PARVB: variants seen among roughly 807,000 people sequenced by gnomAD.
The protein encoded by PARVB is parvin beta.
In PARVB, 46 loss-of-function variants were observed where a neutral mutation model predicts 47.0. The ratio of observed to expected loss-of-function variants is 0.98; its 90% CI spans 0.77 to 1.25. PARVB has a LOEUF of 1.25. Ranked by LOEUF, PARVB falls within the 50% of genes most tolerant of loss-of-function variation. PARVB has a pLI of 0.00. For missense variants in PARVB, 473 were observed against 471.6 expected (o/e 1.00, Z -0.03); for synonymous variants, 196 against 196.3 (o/e 1.00, Z 0.01).
At chr22:44,069,548 G>A (rs2051607603) in intron 1 of PARVB, among the ~76,000 whole-genome samples, 1 of 151,764 alleles carries the variant, frequency 6.6e-6, no homozygotes. Flanking sequence ...TTCTCTCTGA[G>A]ATGGAGTCTT....
intron 1 of PARVB, among the ~76,000 whole-genome samples, chr22:44,066,798 C>CCTT (rs2051538180): frequency 1.5e-5 from 1 of 67,580 alleles, no homozygotes; most frequent in African/African-American, 5.0e-5. Flanking sequence ...TCCTCCTCCT[C>CCTT]CTCCTCCTCC....
intron 1 of PARVB, among the ~76,000 whole-genome samples, chr22:44,033,628 G>GCCAC (rs928946134): frequency 6.6e-6 from 1 of 152,180 alleles, no homozygotes; most frequent in Non-Finnish European, 1.5e-5. Flanking sequence ...TTACCTGCCA[G>GCCAC]CCACCCACAA....
chr22:44,105,031 T>G (rs1401261294), intron 3 of PARVB: 1 of 152,096 alleles, frequency 6.6e-6, no homozygotes, highest in Non-Finnish European at 1.5e-5. Flanking sequence ...CACCATGGGG[T>G]CATAGGCAGC....
rs1336027171 is a variant in PARVB at position 44,151,550 on chromosome 22, A to G, written c.842A>G (p.Gln281Arg). The G allele has an allele frequency of 2.5e-6, 4 of 1,611,764 alleles. No homozygotes were observed. The South Asian group carries it at 4.4e-5, about 18-fold the overall frequency. Residue 281 changes from glutamine (Q) to arginine (R), a missense_variant and splice_region_variant, in exon 10 of 13, where the codon CAG becomes CGG. Gln to Arg is a conservative substitution (Grantham distance 43). Transcript: ENST00000338758. ...TTGGAGGTGACGGAACTGGAGACCC[A>G]GGTATGTGCTGCTTTGGCTTGAAGG... ...LNLEVTELET[Q>R]FADGVYLVLL...
chr22:44,056,991 G>GCGTTT (rs1601537571), intron 1 of PARVB, among the ~76,000 whole-genome samples: 1 of 80,788 alleles, frequency 1.2e-5, no homozygotes, highest in Non-Finnish European at 2.6e-5. Flanking sequence ...TGAGCTGGGG[G>GCGTTT]TGGAGCTGGG....
Position 44,161,416 on chromosome 22 carries a change from C to T in PARVB, c.946-2442C>T, listed in dbSNP as rs566271792. ...GCAACCCCCGCCTCCTGGGTTCAAG[C>T]GATTCTTCTGCCTCAGCCTCCTTAG... On this transcript the variant is annotated intron_variant, in intron 11 of 12. Transcript: ENST00000338758. Among the ~76,000 whole-genome samples the T allele has an allele frequency of 8.9e-4, 134 of 150,982 alleles. 1 individual carries two copies. The highest frequency in any genetic ancestry group is 3.0e-3 in the African/African-American group (123 of 41,026).
rs2051619841 is a variant in PARVB, at chr22:44,069,974, C to T, written c.113-23954C>T. On this transcript the variant is annotated intron_variant, in intron 1 of 12. Coordinates refer to ENST00000338758, the MANE Select transcript of PARVB (RefSeq NM_013327.5). ...TCAGTAGAAGGTGCTTTGCACTGGG[C>T]ATGCCTGGGAGTGAGCCCAGCCTTG... is the stretch of plus-strand genomic sequence containing the variant. 2.6e-5 allele frequency among the ~76,000 whole-genome samples: 4 copies of T among 152,206 alleles called. No individual in the cohort carries two copies. The South Asian group carries it at 8.3e-4, about 31-fold the overall frequency.
intron 2 of PARVB, among the ~76,000 whole-genome samples, chr22:44,012,381 A>G (rs1279538701): frequency 6.6e-6 from 1 of 152,206 alleles, no homozygotes; most frequent in Admixed American, 6.5e-5. Flanking sequence ...TGTTCTGCTC[A>G]CACGTGGCAT....
chr22:44,094,368 C>T (rs372243689), intron 2 of PARVB, among the ~76,000 whole-genome samples: 19 of 152,006 alleles, frequency 1.2e-4, no homozygotes, highest in East Asian at 1.9e-4. Flanking sequence ...CGCCATGCCA[C>T]GCCACGCCAC....
rs532082861 is a variant in PARVB at position 44,082,624 on chromosome 22, T to C, written c.113-11304T>C. On this transcript the variant is annotated intron_variant, in intron 1 of 12. Coordinates refer to ENST00000338758, the MANE Select transcript of PARVB (RefSeq NM_013327.5). ...ATTGTCTCTAAAGAATGTGTCCTCCTTTGTAGACAAGAAGCTCACCGGCCC... is the reference window on the plus strand; with the variant it reads ...ATTGTCTCTAAAGAATGTGTCCTCCCTTGTAGACAAGAAGCTCACCGGCCC... 2.0e-5 allele frequency among the ~76,000 whole-genome samples: 3 copies of C among 152,340 alleles called. No homozygotes were observed. In the South Asian group the frequency reaches 6.2e-4, roughly 32 times the overall value.
At chr22:44,136,605 C>A (rs894400565) in intron 7 of PARVB, 87 bp downstream of exon 7, 10 of 1,100,410 alleles carry the variant, frequency 9.1e-6, no homozygotes, top group African/African-American at 1.5e-5. Context: ...GGGACACCAG[C>A]GCCCATGGGG....
intron 1 of PARVB, among the ~76,000 whole-genome samples, chr22:44,028,222 G>A (rs563003171): frequency 6.6e-6 from 1 of 152,194 alleles, no homozygotes; most frequent in African/African-American, 2.4e-5. Context: ...GTCACCTCTG[G>A]AGCAGCGTCA....
At chr22:44,006,905 C>G (rs376988847) in intron 2 of PARVB, among the ~76,000 whole-genome samples, 21 of 152,344 alleles carry the variant, frequency 1.4e-4, no homozygotes, top group African/African-American at 4.8e-4. Context: ...GTACCTCCCC[C>G]TGTCATGCCC....
chr22:44,074,562 C>A (rs2051725450), intron 1 of PARVB, among the ~76,000 whole-genome samples: 1 of 152,216 alleles, frequency 6.6e-6, no homozygotes, highest in Non-Finnish European at 1.5e-5. Flanking sequence ...TTCAGGCAAG[C>A]TGCTGAGCTT....
At chr22:44,121,874 T>C (rs536140963) in intron 4 of PARVB, among the ~76,000 whole-genome samples, 29 of 152,370 alleles carry the variant, frequency 1.9e-4, no homozygotes, top group African/African-American at 5.8e-4. Context: ...TTTACTCTGA[T>C]TGCATACAAA....
At chr22:44,015,914 G>A (rs1047489926) in intron 2 of PARVB, among the ~76,000 whole-genome samples, 2 of 151,958 alleles carry the variant, frequency 1.3e-5, no homozygotes, top group African/African-American at 4.8e-5. Context: ...AGTTTTTCAC[G>A]CCTTATACAA....
At position 44,103,268 on chromosome 22, in the gene PARVB, A is replaced by G. The variant is rs1369711515; in HGVS notation, c.273+3145A>G. The G allele has an allele frequency of 2.6e-5, 4 of 152,208 alleles. No homozygotes were observed. The highest frequency in any genetic ancestry group is 4.8e-5 in the African/African-American group (2 of 41,426). 9.4% of individuals were successfully genotyped at this position (152,208 alleles called of 1,614,324 possible). A position where few individuals can be genotyped will look rare whatever the true frequency, so the allele number is the denominator to read the frequency against. ...ACTATGGGGCAAAATACAACTAAGA[A>G]CAGGAAGGAGCTGAGGAATAAATGC... On this transcript the variant is annotated intron_variant, in intron 3 of 12. Coordinates refer to ENST00000338758, the MANE Select transcript of PARVB (RefSeq NM_013327.5). The surrounding 1 kb of genome is among the most constrained non-coding windows in gnomAD (Gnocchi z 4.6).
chr22:44,099,377 G>A (rs2052386470), intron 2 of PARVB, among the ~76,000 whole-genome samples: 1 of 152,174 alleles, frequency 6.6e-6, no homozygotes, highest in Non-Finnish European at 1.5e-5. Flanking sequence ...CCTCCCCACT[G>A]TCTCCACGGC....
chr22:44,092,398 C>T (rs902697843), intron 1 of PARVB, among the ~76,000 whole-genome samples: 7 of 152,178 alleles, frequency 4.6e-5, no homozygotes, highest in Non-Finnish European at 1.0e-4. Context: ...TGTGAGCCAC[C>T]GCACCCGACC....
Sources: allele counts gnomAD v4.1 joint callset (sites outside exome capture counted in the v4.1 genomes callset), GRCh38; gene constraint gnomAD v4.1.1; non-coding constraint Gnocchi (gnomAD v3.1); transcripts MANE v1.5; gene names NCBI Gene and HGNC (gene_info 2026-07-23, HGNC 2026-07-21).